Variants in SLMAP observed in about 807,000 individuals in gnomAD.
SLMAP encodes sarcolemmal membrane-associated protein.
SLMAP carries 44 observed loss-of-function variants against 128.8 expected under a neutral mutation model. That is an observed-to-expected ratio of 0.34 (90% CI 0.27 to 0.44). The LOEUF is 0.44. SLMAP is among the 20% of genes least tolerant of loss of function. The pLI, the probability that SLMAP is intolerant of heterozygous loss-of-function variation, is 1.00. For synonymous variants in SLMAP, 327 were observed against 348.8 expected (o/e 0.94, Z 0.70); for missense variants, 787 against 985.3 (o/e 0.80, Z 2.69).
chr3:57,832,914 A>G (rs749939), intron 3 of SLMAP, among the ~76,000 whole-genome samples: 46,818 of 152,074 alleles, frequency 0.31, 7,530 homozygotes, highest in East Asian at 0.47. Context: ...TCTTACTAAG[A>G]GAATTCAACT....
chr3:57,925,746 C>A, intron 23 of SLMAP, 99 bp from the exon 24 acceptor site: 1 of 773,374 alleles, frequency 1.3e-6, no homozygotes, highest in Non-Finnish European at 2.2e-6. Flanking sequence ...TCTATTATTT[C>A]ATTCTTTCTT....
At chr3:57,783,725 T>C (rs149319592) in intron 2 of SLMAP, among the ~76,000 whole-genome samples, 6 of 152,250 alleles carry the variant, frequency 3.9e-5, no homozygotes, top group African/African-American at 1.2e-4. Context: ...CAAGTACTTA[T>C]CATCAAGAAA....
intron 4 of SLMAP, among the ~76,000 whole-genome samples, chr3:57,843,051 G>T (rs1464380054): frequency 6.6e-6 from 1 of 152,062 alleles, no homozygotes; most frequent in Admixed American, 6.6e-5. Flanking sequence ...ATAGTACTTG[G>T]CATATAATAA....
At chr3:57,867,193 A>G (rs1350360310) in intron 13 of SLMAP, among the ~76,000 whole-genome samples, 1 of 152,154 alleles carries the variant, frequency 6.6e-6, no homozygotes, top group African/African-American at 2.4e-5. Context: ...AAACAAAACA[A>G]AACAAAACAG....
intron 8 of SLMAP, among the ~76,000 whole-genome samples, chr3:57,859,371 A>G (rs1052343899): frequency 6.6e-6 from 1 of 151,756 alleles, no homozygotes. Flanking sequence ...TATGGGCAAC[A>G]TGGCAAAACC....
chr3:57,870,904 A>C (rs550329853), intron 13 of SLMAP, among the ~76,000 whole-genome samples: 6 of 152,364 alleles, frequency 3.9e-5, no homozygotes, highest in African/African-American at 9.6e-5. Flanking sequence ...TCTTTAAATC[A>C]CAATAAAGAT....
chr3:57,873,711 C>G (rs1361224177), intron 14 of SLMAP, among the ~76,000 whole-genome samples: 1 of 152,098 alleles, frequency 6.6e-6, no homozygotes. Context: ...TGCTATGGCT[C>G]ACGTCTGTAA....
intron 2 of SLMAP, among the ~76,000 whole-genome samples, chr3:57,814,169 A>G (rs2091495898): frequency 6.6e-6 from 1 of 150,480 alleles, no homozygotes; most frequent in Non-Finnish European, 1.5e-5. Flanking sequence ...GGGTGAACCC[A>G]TCCGAGGGTG....
At chr3:57,858,692 C>A (rs1302957487) in intron 8 of SLMAP, among the ~76,000 whole-genome samples, 1 of 152,096 alleles carries the variant, frequency 6.6e-6, no homozygotes, top group Non-Finnish European at 1.5e-5. Flanking sequence ...CCTATAATCC[C>A]AGCACTTTGG....
At chr3:57,852,702 A>G (rs533199570) in intron 6 of SLMAP, among the ~76,000 whole-genome samples, 1 of 152,342 alleles carries the variant, frequency 6.6e-6, no homozygotes, top group Non-Finnish European at 1.5e-5. Flanking sequence ...CTCATTTTTC[A>G]TATGAGAAAT....
At chr3:57,913,360 A>C in intron 21 of SLMAP, 85 bp downstream of exon 21, 1 of 634,460 alleles carries the variant, frequency 1.6e-6, no homozygotes, top group Non-Finnish European at 2.7e-6. Context: ...TTTAATACTT[A>C]AATATTTTAC....
chr3:57,821,021 T>C (rs1196280498), intron 2 of SLMAP, among the ~76,000 whole-genome samples: 11 of 152,212 alleles, frequency 7.2e-5, no homozygotes, highest in Non-Finnish European at 1.2e-4. Context: ...AGAAATCTAA[T>C]TTACTTTGTC....
intron 2 of SLMAP, among the ~76,000 whole-genome samples, chr3:57,760,295 T>C (rs2078361323): frequency 6.6e-6 from 1 of 152,244 alleles, no homozygotes; most frequent in Non-Finnish European, 1.5e-5. Context: ...GGCTTATTTC[T>C]ACCATTTTCA....
intron 3 of SLMAP, among the ~76,000 whole-genome samples, chr3:57,834,184 G>A (rs1464815988): frequency 6.6e-6 from 1 of 152,068 alleles, no homozygotes; most frequent in Non-Finnish European, 1.5e-5. Context: ...TAAGAAATCT[G>A]ACACTAATCA....
At chr3:57,762,710 G>GTTTTTTT (rs752054975) in intron 2 of SLMAP, among the ~76,000 whole-genome samples, 6 of 107,782 alleles carry the variant, frequency 5.6e-5, no homozygotes, top group African/African-American at 1.1e-4. Context: ...TAGTAGAATG[G>GTTTTTTT]TTTTTTTTTT....
chr3:57,875,655 GT>G (rs1306193566), intron 14 of SLMAP, among the ~76,000 whole-genome samples: 2 of 152,216 alleles, frequency 1.3e-5, no homozygotes, highest in African/African-American at 4.8e-5. Flanking sequence ...AATCTGTTTG[GT>G]TTCTGAGTTT....
At chr3:57,845,842 C>G (rs1019582570) in intron 4 of SLMAP, among the ~76,000 whole-genome samples, 4 of 151,898 alleles carry the variant, frequency 2.6e-5, no homozygotes, top group Non-Finnish European at 4.4e-5. Flanking sequence ...TTATCTCCCC[C>G]CCACCTTTTT....
intron 10 of SLMAP, among the ~76,000 whole-genome samples, chr3:57,863,561 T>C (rs556794913): frequency 2.0e-5 from 3 of 152,304 alleles, no homozygotes; most frequent in Non-Finnish European, 2.9e-5. Flanking sequence ...CTTCCACTGA[T>C]GGCAGAAAGC....
chr3:57,866,501 G>T (rs564238118), intron 13 of SLMAP, among the ~76,000 whole-genome samples: 15 of 152,232 alleles, frequency 9.9e-5, no homozygotes, highest in South Asian at 6.2e-4. Context: ...CATATGTAAT[G>T]AATTTTGAAA....
Sources: allele counts gnomAD v4.1 joint callset (sites outside exome capture counted in the v4.1 genomes callset), GRCh38; gene constraint gnomAD v4.1.1; transcripts MANE v1.5; gene names NCBI Gene and HGNC (gene_info 2026-07-23, HGNC 2026-07-21).